CLVS2: variants seen among roughly 807,000 people sequenced by gnomAD.
CLVS2 encodes the protein clavesin 2.
In CLVS2, 19 loss-of-function variants were observed where a neutral mutation model predicts 29.0. The ratio of observed to expected loss-of-function variants is 0.66; its 90% CI spans 0.46 to 0.96. The LOEUF is 0.96. Ranked by LOEUF, CLVS2 falls within the 40% of genes least tolerant of loss-of-function variation. The pLI is 0.00. For missense variants in CLVS2, 294 were observed against 404.1 expected, an observed-to-expected ratio of 0.73 and a Z score of 2.34; for synonymous variants, 161 against 151.3, an observed-to-expected ratio of 1.06 and a Z score of -0.47.
rs753894724 is a variant in CLVS2, at chr6:122,998,017, G to A, written c.240G>A (p.Gln80=). The change falls in exon 2 of 6, where the codon CAG becomes CAA. Residue 80 remains glutamine, a synonymous_variant. Transcript: ENST00000275162. ...TGGCGCAGTACTTTGAGTACCGGCA[G>A]CAGAACCTGGACATGTTCAAAAGCT... is the stretch of plus-strand genomic sequence containing the variant. ...RLLAQYFEYR[Q]QNLDMFKSFK... 6 of 1,614,202 alleles carry A rather than the reference G, an allele frequency of 3.7e-6. No individual in the cohort carries two copies. In the South Asian group the frequency reaches 5.5e-5, roughly 15 times the overall value.
At chr6:123,006,555 A>G (rs9388169) in intron 2 of CLVS2, among the ~76,000 whole-genome samples, 111,107 of 152,068 alleles carry the variant, frequency 0.73, 41,063 homozygotes, top group East Asian at 0.91. Flanking sequence ...CCAAAGATGT[A>G]TAAATATATA....
rs576881921 is a variant in CLVS2, at chr6:123,040,109, C to G, written c.565-8513C>G. The stretch of plus-strand genomic sequence containing the variant: ...TTGTATCTGAAGTGCTGTTAGGCTT[C>G]ACCAAGTGATCAACTGTAGGCATAG... On this transcript the variant is annotated intron_variant, in intron 3 of 5. Transcript: ENST00000275162. Among the ~76,000 whole-genome samples, 7 of 152,246 alleles carry G rather than the reference C, an allele frequency of 4.6e-5. No individual in the cohort carries two copies. In the South Asian group the frequency reaches 1.2e-3, roughly 27 times the overall value.
chr6:123,042,131 A>T (rs1446041424), intron 3 of CLVS2, among the ~76,000 whole-genome samples: 1 of 152,124 alleles, frequency 6.6e-6, no homozygotes, highest in Non-Finnish European at 1.5e-5. Flanking sequence ...ATTCATGTGC[A>T]TTTCATTTTA....
intron 3 of CLVS2, among the ~76,000 whole-genome samples, chr6:123,028,292 A>C (rs1024488883): frequency 6.6e-6 from 1 of 152,216 alleles, no homozygotes; most frequent in African/African-American, 2.4e-5. Context: ...CTGTATGAAA[A>C]GTTTAGTGCA....
intron 2 of CLVS2, among the ~76,000 whole-genome samples, chr6:123,000,456 G>A (rs1002449940): frequency 2.6e-5 from 4 of 152,060 alleles, no homozygotes; most frequent in Non-Finnish European, 5.9e-5. Context: ...GCATAAAAAC[G>A]TCCTTGGCTC....
chr6:122,998,196 CT>C (rs35213240), intron 2 of CLVS2, 30 bp downstream of exon 2: 1 of 1,583,262 alleles, frequency 6.3e-7, no homozygotes, highest in Non-Finnish European at 8.6e-7. Context: ...TTGTATTCTC[CT>C]TTTACTCTCC....
chr6:123,056,525 A>T (rs1185325227), intron 5 of CLVS2, among the ~76,000 whole-genome samples: 1 of 152,218 alleles, frequency 6.6e-6, no homozygotes, highest in Non-Finnish European at 1.5e-5. Flanking sequence ...TTATCTGTCA[A>T]TTAAGGAAAA....
At chr6:123,020,975 T>C (rs1263930868) in intron 3 of CLVS2, among the ~76,000 whole-genome samples, 1 of 151,924 alleles carries the variant, frequency 6.6e-6, no homozygotes, top group African/African-American at 2.4e-5. Context: ...CTTAGAACTC[T>C]TTTCTCTCTC....
At chr6:123,006,718 C>T (rs544428470) in intron 2 of CLVS2, among the ~76,000 whole-genome samples, 39 of 152,242 alleles carry the variant, frequency 2.6e-4, no homozygotes, top group African/African-American at 9.4e-4. Context: ...TGTCAGGTAG[C>T]AAGGAGTCAC....
intron 3 of CLVS2, among the ~76,000 whole-genome samples, chr6:123,032,963 A>G (rs796362102): frequency 3.7e-4 from 57 of 152,212 alleles, no homozygotes; most frequent in African/African-American, 1.3e-3. Flanking sequence ...GTTTCTTTAT[A>G]TAGGTAAGAG....
intron 5 of CLVS2, among the ~76,000 whole-genome samples, chr6:123,057,263 G>A (rs1314411010): frequency 6.6e-6 from 1 of 150,872 alleles, no homozygotes; most frequent in Non-Finnish European, 1.5e-5. Flanking sequence ...CTTCTCTGAT[G>A]AAAGCCTTAA....
Position 122,997,598 on chromosome 6 carries a change from T to G in CLVS2, c.-180T>G. On this transcript the variant is annotated 5_prime_UTR_variant, in exon 2 of 6. Transcript: ENST00000275162. The stretch of plus-strand genomic sequence containing the variant: ...CACCCCCCGGCCCCCCCAGCTTTGC[T>G]GGGGGAAAGCAGGAGCAACAGGGCA... 72 of 541,832 alleles carry G rather than the reference T, an allele frequency of 1.3e-4. No homozygotes were observed. The highest frequency in any genetic ancestry group is 2.0e-4 in the East Asian group (6 of 29,288). 33.6% of individuals were successfully genotyped at this position (541,832 alleles called of 1,614,324 possible). A position where few individuals can be genotyped will look rare whatever the true frequency, so the allele number is the denominator to read the frequency against.
At chr6:123,031,619 A>G (rs1582654507) in intron 3 of CLVS2, among the ~76,000 whole-genome samples, 2 of 152,198 alleles carry the variant, frequency 1.3e-5, no homozygotes, top group South Asian at 4.1e-4. Flanking sequence ...CAAAACCCTA[A>G]GTTGTACATC....
intron 3 of CLVS2, among the ~76,000 whole-genome samples, chr6:123,038,079 G>T (rs1410010732): frequency 6.6e-6 from 1 of 152,106 alleles, no homozygotes; most frequent in Non-Finnish European, 1.5e-5. Flanking sequence ...TTGACAACTG[G>T]ATCCTAAAGG....
chr6:122,999,925 T>C (rs1000900741), intron 2 of CLVS2, among the ~76,000 whole-genome samples: 2 of 152,162 alleles, frequency 1.3e-5, no homozygotes, highest in Admixed American at 6.5e-5. Flanking sequence ...AGTTTTCATA[T>C]ATATGAGAAA....
intron 2 of CLVS2, among the ~76,000 whole-genome samples, chr6:123,009,037 T>A (rs573777866): frequency 6.6e-6 from 1 of 152,304 alleles, no homozygotes; most frequent in African/African-American, 2.4e-5. Context: ...GTAAACTATA[T>A]CTGTGCTTAT....
intron 4 of CLVS2, among the ~76,000 whole-genome samples, chr6:123,053,214 C>T (rs548739049): frequency 6.6e-6 from 1 of 152,086 alleles, no homozygotes; most frequent in South Asian, 2.1e-4. Context: ...GGCATGATGG[C>T]GCGCCTGTAG....
intron 5 of CLVS2, among the ~76,000 whole-genome samples, chr6:123,056,233 C>T (rs182467106): frequency 1.8e-4 from 27 of 152,234 alleles, no homozygotes; most frequent in Middle Eastern, 6.8e-3. Flanking sequence ...ATTCTCTTAG[C>T]GGTTTTCAAA....
chr6:123,025,548 C>T (rs114064097), intron 3 of CLVS2, among the ~76,000 whole-genome samples: 123 of 152,180 alleles, frequency 8.1e-4, no homozygotes, highest in African/African-American at 2.8e-3. Context: ...GGTGTGCTGC[C>T]TAGATTCCCT....
Sources: gnomAD v4.1 joint callset for allele counts (sites outside exome capture counted in the v4.1 genomes callset) on GRCh38, gnomAD v4.1.1 for gene constraint, MANE v1.5 for transcripts, NCBI Gene and HGNC (gene_info 2026-07-23, HGNC 2026-07-21) for gene names.